Variants in BLTP1 observed in about 807,000 individuals in gnomAD.
The protein encoded by BLTP1 is bridge-like lipid transfer protein family member 1, also known as fragile site-associated protein.
chr4:122,361,575 G>A, the BLTP1 span, among the ~76,000 whole-genome samples: 4 of 152,068 alleles, frequency 2.6e-5, no homozygotes, highest in Non-Finnish European at 4.4e-5. Flanking sequence ...GGCCAGGAGC[G>A]GTTCAGTAAC....
chr4:122,189,530 TTAATA>T, the BLTP1 span: 1 of 803,480 alleles, frequency 1.2e-6, no homozygotes, highest in Admixed American at 6.2e-5. Context: ...TGATTATAGT[TTAATA>T]TACAGATAGA....
chr4:122,354,102 T>C, the BLTP1 span: 3 of 1,202,110 alleles, frequency 2.5e-6, no homozygotes, highest in Non-Finnish European at 3.6e-6. Flanking sequence ...TAAATGGAGA[T>C]GGTGTTTTCA....
At chr4:122,187,731 C>T in the BLTP1 span, 1 of 488,268 alleles carries the variant, frequency 2.0e-6, no homozygotes, top group Non-Finnish European at 2.7e-6. Context: ...CTTTTAACTA[C>T]TGGTTTAAAT....
chr4:122,330,905 A>T, the BLTP1 span: 4 of 746,070 alleles, frequency 5.4e-6, no homozygotes, highest in Non-Finnish European at 6.5e-6. Flanking sequence ...GTTCAATTTC[A>T]TTTTTTTTGA....
At chr4:122,204,399 G>A in the BLTP1 span, 1 of 846,340 alleles carries the variant, frequency 1.2e-6, no homozygotes, top group African/African-American at 1.8e-5. Flanking sequence ...ATGTTCACTT[G>A]TATTATCTTC....
chr4:122,340,118 A>G, the BLTP1 span, among the ~76,000 whole-genome samples: 1 of 152,140 alleles, frequency 6.6e-6, no homozygotes, highest in Admixed American at 6.6e-5. Context: ...TTGGTTCTTA[A>G]CCAGGAGCTA....
the BLTP1 span, chr4:122,282,097 AT>A: frequency 6.1e-6 from 6 of 981,218 alleles, no homozygotes; most frequent in Middle Eastern, 5.3e-4. Flanking sequence ...AACTTGGTTT[AT>A]TTTCACATTG....
At chr4:122,231,314 T>C in the BLTP1 span, among the ~76,000 whole-genome samples, 1 of 152,320 alleles carries the variant, frequency 6.6e-6, no homozygotes, top group Non-Finnish European at 1.5e-5. Flanking sequence ...ACCTTTTGAG[T>C]GTTTTCTGAT....
chr4:122,344,260 C>T, the BLTP1 span: 1 of 1,122,208 alleles, frequency 8.9e-7, no homozygotes, highest in Non-Finnish European at 1.2e-6. Flanking sequence ...TAAATTTTTA[C>T]CTCAAGTGAT....
At chr4:122,350,111 C>G in the BLTP1 span, 8 of 1,585,516 alleles carry the variant, frequency 5.0e-6, no homozygotes, top group Non-Finnish European at 6.8e-6. Flanking sequence ...TATGCTTTAT[C>G]TTTCACTAAA....
chr4:122,255,481 C>A, the BLTP1 span, among the ~76,000 whole-genome samples: 7 of 151,992 alleles, frequency 4.6e-5, no homozygotes, highest in Admixed American at 3.3e-4. Flanking sequence ...TCTGTCTCTA[C>A]TAAAAATACA....
the BLTP1 span, chr4:122,249,736 T>G: frequency 1.9e-6 from 3 of 1,596,106 alleles, no homozygotes; most frequent in Non-Finnish European, 2.6e-6. Flanking sequence ...TGTCCTATAT[T>G]GCAGAAATGT....
At chr4:122,251,280 T>C in the BLTP1 span, 1 of 974,502 alleles carries the variant, frequency 1.0e-6, no homozygotes, top group South Asian at 4.8e-5. Context: ...TAACTGTTGT[T>C]CTTAAACGTA....
At chr4:122,163,378 C>A in the BLTP1 span, among the ~76,000 whole-genome samples, 2 of 152,174 alleles carry the variant, frequency 1.3e-5, no homozygotes, top group Non-Finnish European at 1.5e-5. Context: ...AGTGTTAAAT[C>A]CACCAACTTC....
the BLTP1 span, chr4:122,254,223 A>G: frequency 6.2e-7 from 1 of 1,612,720 alleles, no homozygotes; most frequent in Non-Finnish European, 8.5e-7. Context: ...GATGATTTGA[A>G]AAAAGATCTA....
chr4:122,276,315 A>C, the BLTP1 span: 1 of 444,966 alleles, frequency 2.2e-6, no homozygotes. Flanking sequence ...CTATGATCAA[A>C]GTACTTAATT....
the BLTP1 span, chr4:122,224,046 A>G: frequency 1.0e-6 from 1 of 979,898 alleles, no homozygotes; most frequent in Non-Finnish European, 1.2e-6. Context: ...AGTCCTCAGA[A>G]TCTATATGGA....
chr4:122,255,507 G>A, the BLTP1 span, among the ~76,000 whole-genome samples: 17 of 152,186 alleles, frequency 1.1e-4, no homozygotes, highest in African/African-American at 2.2e-4. Flanking sequence ...TTAGCTGGGC[G>A]TGCTGGCTGT....
the BLTP1 span, among the ~76,000 whole-genome samples, chr4:122,303,256 AT>A: frequency 2.8e-4 from 42 of 152,222 alleles, no homozygotes; most frequent in Non-Finnish European, 5.3e-4. Context: ...CAAAGTCTTG[AT>A]GACAGCACAT....
Sources: gnomAD v4.1 joint callset for allele counts (sites outside exome capture counted in the v4.1 genomes callset) on GRCh38, gnomAD v4.1.1 for gene constraint, MANE v1.5 for transcripts, NCBI Gene and HGNC (gene_info 2026-07-23, HGNC 2026-07-21) for gene names.